The following MBD5 variants were observed in gnomAD, a reference collection of about 807,000 sequenced individuals.
The protein encoded by MBD5 is methyl-CpG-binding domain protein 5.
In MBD5, 13 loss-of-function variants were observed where a neutral mutation model predicts 117.3. The ratio of observed to expected loss-of-function variants is 0.11; its 90% confidence interval spans 0.07 to 0.18. The LOEUF is 0.18. MBD5 is among the 10% of genes least tolerant of loss of function. The probability of loss-of-function intolerance (pLI) is 1.00; values close to 1 mark genes in which losing one functional copy is unlikely to be tolerated. For synonymous variants in MBD5, 727 were observed against 766.4 expected (o/e 0.95, Z 0.85); for missense variants, 1,879 against 2,093.8 (o/e 0.90, Z 2.00).
chr2:148,410,743 C>A (rs1236335105), intron 4 of MBD5, among the ~76,000 whole-genome samples: 1 of 152,162 alleles, frequency 6.6e-6, no homozygotes. Flanking sequence ...AGCCACTGCA[C>A]CTGGCCAGGA....
chr2:148,362,336 G>A (rs1293568827), intron 4 of MBD5, among the ~76,000 whole-genome samples: 2 of 152,124 alleles, frequency 1.3e-5, no homozygotes, highest in East Asian at 3.9e-4. Flanking sequence ...TTCAGTAGGC[G>A]ATTTTCCCCT....
intron 2 of MBD5, among the ~76,000 whole-genome samples, chr2:148,195,855 C>A (rs748969279): frequency 3.3e-5 from 5 of 152,020 alleles, no homozygotes; most frequent in Admixed American, 6.6e-5. Flanking sequence ...TGTGATGAAA[C>A]CACAACATAA....
intron 4 of MBD5, among the ~76,000 whole-genome samples, chr2:148,430,230 C>T (rs1268448867): frequency 6.6e-6 from 1 of 152,072 alleles, no homozygotes; most frequent in African/African-American, 2.4e-5. Flanking sequence ...CTTTGCAAAT[C>T]TTCATTTATT....
intron 6 of MBD5, 144 bp from the exon 7 acceptor site, chr2:148,463,595 A>G: frequency 2.3e-6 from 2 of 881,332 alleles, no homozygotes; most frequent in Non-Finnish European, 3.6e-6. Context: ...ACTAAGTTAT[A>G]TAAAGTTGCC....
chr2:148,376,272 CTT>C (rs11304653), intron 4 of MBD5, among the ~76,000 whole-genome samples: 25 of 131,350 alleles, frequency 1.9e-4, no homozygotes, highest in Admixed American at 3.1e-4. Context: ...CTTTTCTTTT[CTT>C]TTTTTTTTTT....
chr2:148,118,595 GAA>G (rs753563585), intron 1 of MBD5, among the ~76,000 whole-genome samples: 1 of 139,886 alleles, frequency 7.1e-6, no homozygotes, highest in Non-Finnish European at 1.6e-5. Flanking sequence ...GGTGAAAAAA[GAA>G]AAAAAAAAAC....
intron 9 of MBD5, 70 bp downstream of exon 9, chr2:148,484,205 A>G (rs1232999355): frequency 1.6e-6 from 2 of 1,289,446 alleles, no homozygotes; most frequent in African/African-American, 3.0e-5. Context: ...TCCTTTTTAA[A>G]AACTCCATTT....
At chr2:148,344,647 T>G (rs188258472) in intron 4 of MBD5, among the ~76,000 whole-genome samples, 80 of 152,160 alleles carry the variant, frequency 5.3e-4, no homozygotes, top group Admixed American at 2.8e-3. Flanking sequence ...GAAATGCTAC[T>G]GCTTTTTGTA....
intron 2 of MBD5, among the ~76,000 whole-genome samples, chr2:148,181,621 G>C (rs1698536767): frequency 6.6e-6 from 1 of 151,924 alleles, no homozygotes; most frequent in East Asian, 1.9e-4. Context: ...TCATATACCT[G>C]TTGGCCTTTT....
chr2:148,458,255 A>C lies in MBD5; in HGVS notation c.-504A>C. On this transcript the variant is annotated 5_prime_UTR_variant, in exon 5 of 14. Transcript: ENST00000642680. The stretch of plus-strand genomic sequence containing the variant: ...GAAAACATCAGATGAACCAACCTGC[A>C]ACACCTTGGATTCAGATTGGAAGAT... The C allele has an allele frequency of 7.4e-6, 3 of 404,600 alleles. No individual in the cohort carries two copies. The highest frequency in any genetic ancestry group is 1.3e-5 in the Non-Finnish European group (3 of 229,226). The allele number at this position is 404,600 out of a possible 1,614,324, so 25.1% of individuals were successfully genotyped here.
intron 3 of MBD5, among the ~76,000 whole-genome samples, chr2:148,329,097 G>C (rs1702561143): frequency 6.6e-6 from 1 of 152,080 alleles, no homozygotes; most frequent in African/African-American, 2.4e-5. Context: ...ACAAAAATCA[G>C]CCTCATTAGC....
At chr2:148,180,158 G>A (rs1468508538) in intron 2 of MBD5, among the ~76,000 whole-genome samples, 1 of 151,138 alleles carries the variant, frequency 6.6e-6, no homozygotes, top group Non-Finnish European at 1.5e-5. Context: ...TGTCAGAAAT[G>A]ACTTCTCTTG....
intron 3 of MBD5, among the ~76,000 whole-genome samples, chr2:148,256,750 A>G (rs1700600764): frequency 1.3e-5 from 2 of 152,156 alleles, no homozygotes; most frequent in Non-Finnish European, 2.9e-5. Flanking sequence ...ATGGGGGGAC[A>G]CCCTCCCTTA....
chr2:148,211,840 G>A (rs1040746561), intron 2 of MBD5, among the ~76,000 whole-genome samples: 3 of 152,274 alleles, frequency 2.0e-5, no homozygotes, highest in East Asian at 1.9e-4. Context: ...CAACCTCCCA[G>A]GCACAAGCGA....
At chr2:148,330,214 G>A (rs148018357) in intron 3 of MBD5, among the ~76,000 whole-genome samples, 93 of 151,760 alleles carry the variant, frequency 6.1e-4, no homozygotes, top group African/African-American at 2.0e-3. Context: ...CTGGATTAGC[G>A]GCATTTTTAA....
intron 1 of MBD5, among the ~76,000 whole-genome samples, chr2:148,115,888 G>T (rs993265100): frequency 6.6e-6 from 1 of 151,948 alleles, no homozygotes; most frequent in African/African-American, 2.4e-5. Flanking sequence ...TGTCACCTAG[G>T]CTGGAGTGCA....
In MBD5 at chr2:148,358,618, C is replaced by CAA. The variant is rs35838466; in HGVS notation, c.-557+16300_-557+16301dup. Among the ~76,000 whole-genome samples, 98 of 82,504 alleles carry CAA rather than the reference C, an allele frequency of 1.2e-3. 1 individual carries two copies. The highest frequency in any genetic ancestry group is 4.2e-3 in the East Asian group (11 of 2,624). 54.1% of individuals were successfully genotyped at this position (82,504 alleles called of 152,430 possible). ...ACAGGTGAAACCCCCACTAAAAATA[C>CAA]AAAAAAAAAAAAAAAAAAAGCTGGG... On this transcript the variant is annotated intron_variant, in intron 4 of 13. Transcript: ENST00000642680.
chr2:148,071,675 C>A (rs1159114474), intron 1 of MBD5: 1 of 152,202 alleles, frequency 6.6e-6, no homozygotes, highest in African/African-American at 2.4e-5. Context: ...GATAATTCAG[C>A]ATTACGTTTA....
intron 10 of MBD5, among the ~76,000 whole-genome samples, chr2:148,488,681 T>G (rs1681416922): frequency 6.8e-6 from 1 of 147,170 alleles, no homozygotes; most frequent in African/African-American, 2.5e-5. Context: ...AAAATTAGAA[T>G]TACCTTGGGC....
Sources: allele counts gnomAD v4.1 joint callset (sites outside exome capture counted in the v4.1 genomes callset), GRCh38; gene constraint gnomAD v4.1.1; transcripts MANE v1.5; gene names NCBI Gene and HGNC (gene_info 2026-07-23, HGNC 2026-07-21).